The following RALGDS variants were observed in gnomAD, a reference collection of about 807,000 sequenced individuals.
The protein encoded by RALGDS is ral guanine nucleotide dissociation stimulator.
A neutral mutation model predicts 99.8 loss-of-function variants in RALGDS; 44 were observed. The ratio of observed to expected loss-of-function variants is 0.44; its 90% confidence interval spans 0.35 to 0.57. The LOEUF (loss-of-function observed/expected upper bound fraction) is 0.57. Ranked by LOEUF, RALGDS falls within the 20% of genes least tolerant of loss-of-function variation. RALGDS has a pLI of 0.01. For missense variants in RALGDS, 1,022 were observed against 1,203.1 expected, an observed-to-expected ratio of 0.85 and a Z score of 2.23; for synonymous variants, 529 against 505.0, an observed-to-expected ratio of 1.05 and a Z score of -0.64.
In RALGDS at chr9:133,098,450, A is replaced by G; in HGVS notation, c.*137T>C. ...ACCAATGGCAGGCGTCAATCCCAGC[A>G]GCGGGAGAGGTTCAGGATGAAACTG... On this transcript the variant is annotated 3_prime_UTR_variant, in exon 18 of 18. Coordinates refer to ENST00000372050, the MANE Select transcript of RALGDS (RefSeq NM_006266.4). 1.1e-6 allele frequency: 1 copy of G among 907,832 alleles called. No homozygotes were observed. The highest frequency in any genetic ancestry group is 1.7e-6 in the Non-Finnish European group (1 of 582,468). The allele number at this position is 907,832 out of a possible 1,614,324, so 56.2% of individuals were successfully genotyped here. A position where few individuals can be genotyped will look rare whatever the true frequency, so the allele number is the denominator to read the frequency against.
intron 1 of RALGDS, among the ~76,000 whole-genome samples, chr9:133,142,019 G>A (rs551383092): frequency 2.0e-5 from 3 of 152,338 alleles, no homozygotes; most frequent in South Asian, 2.1e-4. Flanking sequence ...GGCTGGCACC[G>A]AGCCATCGCT....
chr9:133,128,805 G>GA (rs893340882), intron 1 of RALGDS, among the ~76,000 whole-genome samples: 3 of 152,206 alleles, frequency 2.0e-5, no homozygotes, highest in African/African-American at 7.2e-5. Flanking sequence ...AGCAGACAGT[G>GA]AAGCAGTGCA....
At chr9:133,134,890 C>T (rs115760286), upstream of RALGDS, among the ~76,000 whole-genome samples, 731 of 152,304 alleles carry the variant, frequency 4.8e-3, 9 homozygotes, top group African/African-American at 0.016. Context: ...GCACAAAGCT[C>T]ATCCAAAGCC....
intron 16 of RALGDS, chr9:133,100,681 A>G: frequency 1.6e-6 from 2 of 1,278,282 alleles, no homozygotes; most frequent in Non-Finnish European, 2.0e-6. Context: ...CTTGAGAAGC[A>G]CTTGCCCCTC....
At chr9:133,109,750 G>T in intron 3 of RALGDS, 29 bp from the exon 4 acceptor site, 1 of 1,585,588 alleles carries the variant, frequency 6.3e-7, no homozygotes, top group Non-Finnish European at 8.7e-7. Context: ...GTTACTGTCT[G>T]ACTCTCCGAC....
chr9:133,132,077 C>G (rs561227774), upstream of RALGDS, among the ~76,000 whole-genome samples: 98 of 152,360 alleles, frequency 6.4e-4, 1 homozygote, highest in African/African-American at 2.3e-3. Flanking sequence ...CCATCCCTGG[C>G]AGCAAGGTCC....
At chr9:133,107,008 C>T in intron 7 of RALGDS, 77 bp downstream of exon 7, 3 of 1,517,224 alleles carry the variant, frequency 2.0e-6, no homozygotes, top group South Asian at 1.1e-5. Context: ...GGGGCCTGTA[C>T]AGGGCCTTGG....
intron 2 of RALGDS, among the ~76,000 whole-genome samples, 179 bp from the exon 3 acceptor site, chr9:133,110,668 G>C (rs1028049443): frequency 2.6e-4 from 40 of 151,898 alleles, no homozygotes; most frequent in African/African-American, 9.7e-4. Flanking sequence ...GCTCACATCA[G>C]TCATCCCGGC....
At chr9:133,149,086 C>T in exon 1 of RALGDS, 2 of 824,024 alleles carry the variant, frequency 2.4e-6, no homozygotes, top group South Asian at 1.1e-4. Flanking sequence ...GGCTGCGGGG[C>T]TCATGGCGCG....
intron 1 of RALGDS, among the ~76,000 whole-genome samples, chr9:133,147,640 T>A (rs1378752908): frequency 2.6e-5 from 4 of 152,154 alleles, no homozygotes; most frequent in Non-Finnish European, 4.4e-5. Context: ...TGCCGGGCTC[T>A]CCCTGACTCC....
At chr9:133,115,675 G>A (rs894112498) in intron 1 of RALGDS, among the ~76,000 whole-genome samples, 5 of 152,326 alleles carry the variant, frequency 3.3e-5, no homozygotes, top group Middle Eastern at 6.8e-3. Context: ...CTCGGTGACC[G>A]GCACTGGGAC....
chr9:133,142,743 T>C (rs1164369678), intron 1 of RALGDS, among the ~76,000 whole-genome samples: 1 of 152,160 alleles, frequency 6.6e-6, no homozygotes, highest in Non-Finnish European at 1.5e-5. Flanking sequence ...AGGGAGACGA[T>C]GAAAGGGGCT....
At chr9:133,147,044 G>A (rs936717739) in intron 1 of RALGDS, among the ~76,000 whole-genome samples, 7 of 152,190 alleles carry the variant, frequency 4.6e-5, no homozygotes, top group African/African-American at 1.7e-4. Context: ...GTCTGTTGCT[G>A]GAAGCTGTAC....
intron 3 of RALGDS, 53 bp from the exon 4 acceptor site, chr9:133,109,774 C>G (rs1162609619): frequency 1.3e-5 from 19 of 1,491,258 alleles, no homozygotes; most frequent in Non-Finnish European, 1.7e-5. Context: ...AACGGAGGCC[C>G]AGGAGGGCAG....
At chr9:133,103,923 G>C in intron 10 of RALGDS, 90 bp from the exon 11 acceptor site, 1 of 1,318,958 alleles carries the variant, frequency 7.6e-7, no homozygotes, top group African/African-American at 1.4e-5. Flanking sequence ...TGGAACAGCT[G>C]GGGGACCTCT....
At position 133,101,628 on chromosome 9, in the gene RALGDS, G is replaced by C. The variant is rs542499095; in HGVS notation, c.2346C>G (p.Leu782=). The C allele has an allele frequency of 1.5e-5, 25 of 1,613,654 alleles. 1 individual carries two copies. The South Asian group carries it at 2.7e-4, about 18-fold the overall frequency. Residue 782 remains leucine (L), a synonymous_variant, in exon 16 of 18, where the codon CTC becomes CTG. Coordinates refer to ENST00000372050, the MANE Select transcript of RALGDS (RefSeq NM_006266.4). ...GCGGCAGCGCGGAGCTGGAGTTGCA[G>C]AGCCCTGAGACAGAGCGCTTGTGGG... ...TRTHKRSVSG[L]CNSSSALPLY...
chr9:133,102,975 T>C, intron 12 of RALGDS, 75 bp from the exon 13 acceptor site: 2 of 1,591,124 alleles, frequency 1.3e-6, no homozygotes, highest in Non-Finnish European at 1.7e-6. Flanking sequence ...GGGTCTTTGT[T>C]CTTGGGGTCC....
At chr9:133,116,679 A>C (rs1283241879) in intron 1 of RALGDS, among the ~76,000 whole-genome samples, 2 of 152,266 alleles carry the variant, frequency 1.3e-5, no homozygotes, top group Non-Finnish European at 2.9e-5. Context: ...TGCCCAGCAC[A>C]TGCGGGCACT....
At chr9:133,121,492 C>G (rs1320017277), upstream of RALGDS, among the ~76,000 whole-genome samples, 1 of 152,166 alleles carries the variant, frequency 6.6e-6, no homozygotes. Flanking sequence ...GACCGGCTGT[C>G]ACGTGTGTCG....
Sources: allele counts gnomAD v4.1 joint callset (sites outside exome capture counted in the v4.1 genomes callset), GRCh38; gene constraint gnomAD v4.1.1; transcripts MANE v1.5; gene names NCBI Gene and HGNC (gene_info 2026-07-23, HGNC 2026-07-21).